TRPC3: variants seen among roughly 807,000 people sequenced by gnomAD.
TRPC3 encodes the protein transient receptor potential cation channel subfamily C member 3.
Under a neutral mutation model 90.9 loss-of-function variants are expected in TRPC3, and 54 were observed. The observed-to-expected ratio is 0.59, with a 90% CI of 0.48 to 0.75. The LOEUF (loss-of-function observed/expected upper bound fraction) is 0.75. TRPC3 is among the 30% of genes least tolerant of loss of function. The pLI, the probability that TRPC3 is intolerant of heterozygous loss-of-function variation, is 0.00. For synonymous variants in TRPC3, 424 were observed against 450.9 expected, an observed-to-expected ratio of 0.94 and a Z score of 0.75; for missense variants, 918 against 1,194.5, an observed-to-expected ratio of 0.77 and a Z score of 3.41.
At chr4:121,903,360 G>A (rs1267572535) in intron 8 of TRPC3, among the ~76,000 whole-genome samples, 3 of 152,082 alleles carry the variant, frequency 2.0e-5, no homozygotes, top group Non-Finnish European at 4.4e-5. Context: ...AGGATAAAAT[G>A]ATTAATTCCT....
intron 1 of TRPC3, among the ~76,000 whole-genome samples, chr4:121,941,946 T>C (rs1730332631): frequency 6.6e-6 from 1 of 152,140 alleles, no homozygotes; most frequent in South Asian, 2.1e-4. Context: ...AGAGAGTACA[T>C]GGCCACAGGT....
chr4:121,914,406 T>C (rs1029786274), intron 4 of TRPC3, among the ~76,000 whole-genome samples: 1 of 152,230 alleles, frequency 6.6e-6, no homozygotes, highest in African/African-American at 2.4e-5. Context: ...TTGGTACTAC[T>C]GCAGCAGTGC....
intron 2 of TRPC3, among the ~76,000 whole-genome samples, chr4:121,926,530 C>G (rs1729720681): frequency 6.6e-6 from 1 of 152,050 alleles, no homozygotes; most frequent in Admixed American, 6.6e-5. Context: ...CCTCAGCCTC[C>G]CGAGTAGCTG....
At chr4:121,885,764 T>C (rs1728093565) in intron 10 of TRPC3, among the ~76,000 whole-genome samples, 1 of 152,122 alleles carries the variant, frequency 6.6e-6, no homozygotes, top group South Asian at 2.1e-4. Flanking sequence ...GTACAAAAAA[T>C]TAAACTGACC....
chr4:121,951,853 T>G lies in TRPC3; in HGVS notation c.-173A>C. Reference sequence around the variant, plus strand: ...GCGTCGCGGCCCGCGATCCAGCAGTTAGAGGCTAGCGCCGAAGCCGAGCTG... The same window carrying G: ...GCGTCGCGGCCCGCGATCCAGCAGTGAGAGGCTAGCGCCGAAGCCGAGCTG... On this transcript the variant is annotated 5_prime_UTR_variant, in exon 1 of 12. The change abolishes the stop of an existing upstream ORF in the 5' untranslated region. Coordinates refer to ENST00000379645, the MANE Select transcript of TRPC3 (RefSeq NM_001130698.2). This position sits in a 1 kb window ranked among gnomAD's most constrained non-coding sequence, Gnocchi z 4.4. 1 of 442,278 alleles carries G rather than the reference T, an allele frequency of 2.3e-6. No individual in the cohort carries two copies. Among genetic ancestry groups the G allele is most frequent in the Non-Finnish European group, 3.8e-6 (1 of 265,558 alleles). The allele number at this position is 442,278 out of a possible 1,614,324, so 27.4% of individuals were successfully genotyped here.
rs191516602 is a variant in TRPC3, at chr4:121,904,451, C to A, written c.2124G>T (p.Val708=). Residue 708 remains valine (V), a synonymous_variant, in exon 8 of 12, where the codon GTG becomes GTT. Coordinates refer to ENST00000379645, the MANE Select transcript of TRPC3 (RefSeq NM_001130698.2). ...CTATGAATTTGTGATCATATTTGAG[C>A]ACAACGGAAGTCACTTCAGACAACC... The part of the protein sequence containing the change: ...IFGLSEVTSV[V]LKYDHKFIEN... 6.2e-7 allele frequency: 1 copy of A among 1,604,256 alleles called. No homozygotes were observed. The highest frequency in any genetic ancestry group is 8.5e-7 in the Non-Finnish European group (1 of 1,176,734).
intron 4 of TRPC3, among the ~76,000 whole-genome samples, chr4:121,912,514 C>A (rs1447972071): frequency 1.3e-5 from 2 of 152,054 alleles, no homozygotes; most frequent in African/African-American, 4.8e-5. Flanking sequence ...CTTATAGACT[C>A]ATATAAGACC....
intron 4 of TRPC3, among the ~76,000 whole-genome samples, chr4:121,913,542 A>G (rs1382044152): frequency 6.6e-6 from 1 of 152,192 alleles, no homozygotes. Flanking sequence ...TTCAAACCTG[A>G]TGGAATGTTT....
intron 10 of TRPC3, among the ~76,000 whole-genome samples, chr4:121,898,752 T>A (rs779671901): frequency 6.6e-6 from 1 of 152,190 alleles, no homozygotes; most frequent in Non-Finnish European, 1.5e-5. Flanking sequence ...TTCCTACATA[T>A]GTATCAAAAC....
At chr4:121,945,976 A>G (rs993805111) in intron 1 of TRPC3, among the ~76,000 whole-genome samples, 1 of 152,220 alleles carries the variant, frequency 6.6e-6, no homozygotes, top group African/African-American at 2.4e-5. Flanking sequence ...TATAATCACT[A>G]AAATGGAAAT....
At chr4:121,896,846 G>C (rs1728531592) in intron 10 of TRPC3, among the ~76,000 whole-genome samples, 1 of 152,026 alleles carries the variant, frequency 6.6e-6, no homozygotes, top group Non-Finnish European at 1.5e-5. Flanking sequence ...GCAATCCTGA[G>C]CAAAAAGAAC....
chr4:121,951,866 C>T lies in TRPC3; in HGVS notation c.-186G>A. Reference sequence around the variant, plus strand: ...CGATCCAGCAGTTAGAGGCTAGCGCCGAAGCCGAGCTGCCGCCGCCCACCA... The same window carrying T: ...CGATCCAGCAGTTAGAGGCTAGCGCTGAAGCCGAGCTGCCGCCGCCCACCA... On this transcript the variant is annotated 5_prime_UTR_variant, in exon 1 of 12. Coordinates refer to ENST00000379645, the MANE Select transcript of TRPC3 (RefSeq NM_001130698.2). This position sits in a 1 kb window ranked among gnomAD's most constrained non-coding sequence, Gnocchi z 4.4. 2 of 411,828 alleles carry T rather than the reference C, an allele frequency of 4.9e-6. No individual in the cohort carries two copies. The highest frequency in any genetic ancestry group is 8.3e-6 in the Non-Finnish European group (2 of 241,700). 25.5% of individuals were successfully genotyped at this position (411,828 alleles called of 1,614,324 possible). A position where few individuals can be genotyped will look rare whatever the true frequency, so the allele number is the denominator to read the frequency against.
intron 3 of TRPC3, among the ~76,000 whole-genome samples, chr4:121,920,507 G>C (rs780443314): frequency 3.9e-5 from 6 of 152,028 alleles, no homozygotes; most frequent in African/African-American, 7.2e-5. Flanking sequence ...CTGGGAGACA[G>C]AGTGAGACTC....
At chr4:121,888,183 C>G (rs1351289317) in intron 10 of TRPC3, among the ~76,000 whole-genome samples, 1 of 152,116 alleles carries the variant, frequency 6.6e-6, no homozygotes, top group African/African-American at 2.4e-5. Flanking sequence ...TTTTGAAACT[C>G]TTCCGCTGTG....
intron 1 of TRPC3, among the ~76,000 whole-genome samples, chr4:121,939,423 ATTATGCAGACAAGATAGCTCTCCCAC>A (rs1411070584): frequency 2.0e-5 from 3 of 152,218 alleles, no homozygotes; most frequent in Non-Finnish European, 4.4e-5. Flanking sequence ...AAGTGCTCTC[ATTATGCAGACAAGATAGCTCTCCCAC>A]TTCTGACAGC....
At chr4:121,902,783 A>T (rs1728745007) in intron 9 of TRPC3, 69 bp downstream of exon 9, 1 of 1,213,562 alleles carries the variant, frequency 8.2e-7, no homozygotes, top group South Asian at 1.5e-5. Flanking sequence ...TTATTGAACA[A>T]ACATCAGAAG....
At chr4:121,881,016 C>T (rs1727922919) in intron 11 of TRPC3, among the ~76,000 whole-genome samples, 1 of 151,618 alleles carries the variant, frequency 6.6e-6, no homozygotes, top group African/African-American at 2.4e-5. Flanking sequence ...ATAAACTGAT[C>T]TTATTTGAAA....
At chr4:121,933,137 T>C in intron 1 of TRPC3, 95 bp from the exon 2 acceptor site, 1 of 1,442,986 alleles carries the variant, frequency 6.9e-7, no homozygotes, top group Non-Finnish European at 9.1e-7. Flanking sequence ...CACTACCCAC[T>C]GCAAACCTCT....
chr4:121,948,124 C>T (rs1024264010), intron 1 of TRPC3, among the ~76,000 whole-genome samples: 4 of 151,942 alleles, frequency 2.6e-5, no homozygotes, highest in African/African-American at 9.7e-5. Flanking sequence ...TTTCCTTTTC[C>T]CTGCTTAACA....
Sources: gnomAD v4.1 joint callset for allele counts (sites outside exome capture counted in the v4.1 genomes callset) on GRCh38, gnomAD v4.1.1 for gene constraint, Gnocchi (gnomAD v3.1) non-coding constraint, MANE v1.5 for transcripts, NCBI Gene and HGNC (gene_info 2026-07-23, HGNC 2026-07-21) for gene names.